The following ASTN2 variants were observed in gnomAD, a reference collection of about 807,000 sequenced individuals.
ASTN2 encodes astrotactin 2.
ASTN2 carries 54 observed loss-of-function variants against 139.8 expected under a neutral mutation model. That is an observed-to-expected ratio of 0.39 (90% CI 0.31 to 0.48). ASTN2 has a LOEUF of 0.48. Among genes scored for constraint, ASTN2 ranks in the 20% least tolerant of loss-of-function variants. ASTN2 has a pLI of 0.95. For synonymous variants in ASTN2, 756 were observed against 719.5 expected, an observed-to-expected ratio of 1.05 and a Z score of -0.81; for missense variants, 1,565 against 1,725.1, an observed-to-expected ratio of 0.91 and a Z score of 1.64.
intron 1 of ASTN2, among the ~76,000 whole-genome samples, chr9:117,394,113 A>C (rs539373806): frequency 6.6e-6 from 1 of 152,216 alleles, no homozygotes; most frequent in South Asian, 2.1e-4. Flanking sequence ...TACTGGTTAC[A>C]GTCCTGTCAT....
At chr9:116,486,698 C>T (rs148527914) in intron 20 of ASTN2, among the ~76,000 whole-genome samples, 4 of 152,090 alleles carry the variant, frequency 2.6e-5, no homozygotes, top group Non-Finnish European at 5.9e-5. Flanking sequence ...GCATCTAGAT[C>T]TAAAAACAAC....
chr9:116,947,168 T>C lies in ASTN2; in HGVS notation c.1889+28040A>G, dbSNP rs181230155. Among the ~76,000 whole-genome samples, 729 of 152,264 alleles carry C rather than the reference T, an allele frequency of 4.8e-3. 4 individuals are homozygous for C. The highest frequency in any genetic ancestry group is 7.6e-3 in the Non-Finnish European group (520 of 68,012). On this transcript the variant is annotated intron_variant, in intron 10 of 22. Coordinates refer to ENST00000313400, the MANE Select transcript of ASTN2 (RefSeq NM_001365068.1). ...TTTAGAATCTGACAGTTCCTTATTT[T>C]ATTCCCTGATCCATCACCTGTTGGA...
chr9:117,127,953 T>C lies in ASTN2; in HGVS notation c.1168+13373A>G, dbSNP rs950534590. ...CCTCGGCCTCCCAAAGTGCTGGGAT[T>C]ACAGGCGTGAGCCACCGCTCCCGGC... On this transcript the variant is annotated intron_variant, in intron 4 of 22. Coordinates refer to ENST00000313400, the MANE Select transcript of ASTN2 (RefSeq NM_001365068.1). 2.6e-5 allele frequency among the ~76,000 whole-genome samples: 4 copies of C among 152,198 alleles called. No homozygotes were observed. The South Asian group carries it at 6.2e-4, about 24-fold the overall frequency.
intron 11 of ASTN2, among the ~76,000 whole-genome samples, chr9:116,828,717 A>G (rs7855653): frequency 0.032 from 4,911 of 152,304 alleles, 271 homozygotes; most frequent in African/African-American, 0.11. Flanking sequence ...AGAAGTCAGG[A>G]CACAGAAAAA....
chr9:116,433,472 A>G (rs1847558101), intron 22 of ASTN2, among the ~76,000 whole-genome samples: 1 of 152,220 alleles, frequency 6.6e-6, no homozygotes, highest in Admixed American at 6.5e-5. Context: ...TACACTGTTA[A>G]CAATGTAATC....
At chr9:116,642,132 C>CAA (rs1252642911) in intron 17 of ASTN2, among the ~76,000 whole-genome samples, 8,346 of 48,758 alleles carry the variant, frequency 0.17, 1,265 homozygotes, top group African/African-American at 0.29. Context: ...TCCCAACCCA[C>CAA]AAAAAAAAAA....
chr9:117,141,426 C>G lies in ASTN2; in HGVS notation c.1068G>C (p.Lys356Asn). 7.3e-7 allele frequency: 1 copy of G among 1,367,548 alleles called. No individual in the cohort carries two copies. Among genetic ancestry groups the G allele is most frequent in the South Asian group, 1.1e-5 (1 of 88,036 alleles). 84.7% of individuals were successfully genotyped at this position (1,367,548 alleles called of 1,614,324 possible). A position where few individuals can be genotyped will look rare whatever the true frequency, so the allele number is the denominator to read the frequency against. The change falls in exon 4 of 23, where the codon AAG (lysine) becomes AAC (asparagine). Residue 356 changes from lysine to asparagine, a missense_variant. Physicochemically the swap from Lys to Asn is moderately conservative, Grantham distance 94 (BLOSUM62 0). Coordinates refer to ENST00000313400, the MANE Select transcript of ASTN2 (RefSeq NM_001365068.1). ...ETVESLMQKF[K>N]ESFRANTPIE... Reference sequence around the variant, plus strand: ...TGGGCGTGTTAGCGCGGAAACTCTCCTTGAACTTCTGCATCAGGGACTCCA... The same window carrying G: ...TGGGCGTGTTAGCGCGGAAACTCTCGTTGAACTTCTGCATCAGGGACTCCA...
intron 10 of ASTN2, among the ~76,000 whole-genome samples, chr9:116,892,295 G>C (rs1833780661): frequency 6.6e-6 from 1 of 152,176 alleles, no homozygotes; most frequent in African/African-American, 2.4e-5. Context: ...TTCTCAAGCA[G>C]TTGCTATTTA....
At chr9:117,107,815 T>C (rs1405254775) in intron 4 of ASTN2, among the ~76,000 whole-genome samples, 4 of 152,238 alleles carry the variant, frequency 2.6e-5, no homozygotes, top group South Asian at 4.1e-4. Context: ...GAATTGATGC[T>C]TCTAAACCAA....
At chr9:116,792,555 A>C (rs1017390712) in intron 13 of ASTN2, among the ~76,000 whole-genome samples, 4 of 152,140 alleles carry the variant, frequency 2.6e-5, no homozygotes, top group Non-Finnish European at 5.9e-5. Flanking sequence ...CTGATCTCTA[A>C]GCATCCCTGT....
At chr9:116,758,083 T>C (rs181891690) in intron 13 of ASTN2, among the ~76,000 whole-genome samples, 16 of 152,214 alleles carry the variant, frequency 1.1e-4, no homozygotes, top group African/African-American at 3.6e-4. Context: ...TGCCTCAGTT[T>C]CCTCCCCTGT....
chr9:116,444,879 G>A (rs1228600616), intron 20 of ASTN2, among the ~76,000 whole-genome samples: 1 of 152,206 alleles, frequency 6.6e-6, no homozygotes, highest in Non-Finnish European at 1.5e-5. Flanking sequence ...TATGAGGTAA[G>A]TTATCATTGG....
intron 16 of ASTN2, among the ~76,000 whole-genome samples, chr9:116,696,752 T>G (rs1465089119): frequency 6.6e-6 from 1 of 152,180 alleles, no homozygotes; most frequent in African/African-American, 2.4e-5. Flanking sequence ...CCTAAAGACC[T>G]CTTGTATCTA....
intron 5 of ASTN2, among the ~76,000 whole-genome samples, chr9:117,042,234 G>A (rs987660690): frequency 2.0e-5 from 3 of 152,280 alleles, no homozygotes; most frequent in South Asian, 2.1e-4. Flanking sequence ...AACAAGAACC[G>A]TTACAACAGC....
chr9:117,214,290 G>T, intron 3 of ASTN2, 68 bp downstream of exon 3: 1 of 1,508,352 alleles, frequency 6.6e-7, no homozygotes, highest in South Asian at 1.4e-5. Flanking sequence ...CAACTGCCCA[G>T]CTTCTGCACC....
At chr9:117,251,434 T>C (rs1232481829) in intron 2 of ASTN2, among the ~76,000 whole-genome samples, 1 of 152,154 alleles carries the variant, frequency 6.6e-6, no homozygotes, top group Non-Finnish European at 1.5e-5. Flanking sequence ...TTTATCTATT[T>C]GTGCTTTGTC....
Position 116,887,076 on chromosome 9 carries a change from G to A in ASTN2, c.1890-23343C>T, listed in dbSNP as rs751901534. On this transcript the variant is annotated intron_variant, in intron 10 of 22. Transcript: ENST00000313400. ...AAGTGCTCAATAAATTTCTGCTGTCGATGTTATTGTGAATAATGTGCTAAG... is the reference window on the plus strand; with the variant it reads ...AAGTGCTCAATAAATTTCTGCTGTCAATGTTATTGTGAATAATGTGCTAAG... Among the ~76,000 whole-genome samples the A allele has an allele frequency of 1.4e-3, 219 of 152,098 alleles. 4 individuals are homozygous for A. The highest frequency in any genetic ancestry group is 1.3e-3 in the Non-Finnish European group (91 of 68,018).
chr9:116,780,993 C>A (rs1284604997), intron 13 of ASTN2, among the ~76,000 whole-genome samples: 2 of 152,116 alleles, frequency 1.3e-5, no homozygotes, highest in Non-Finnish European at 2.9e-5. Flanking sequence ...GCATGTGCCA[C>A]CCCGCCTGGC....
intron 13 of ASTN2, among the ~76,000 whole-genome samples, chr9:116,771,571 C>A (rs1829954633): frequency 6.6e-6 from 1 of 152,138 alleles, no homozygotes; most frequent in Non-Finnish European, 1.5e-5. Context: ...ATAGTAGGAG[C>A]TCATGAATGA....
Sources: allele counts gnomAD v4.1 joint callset (sites outside exome capture counted in the v4.1 genomes callset), GRCh38; gene constraint gnomAD v4.1.1; transcripts MANE v1.5; gene names NCBI Gene and HGNC (gene_info 2026-07-23, HGNC 2026-07-21).